Variants in AFDN observed in about 807,000 individuals in gnomAD.
The protein encoded by AFDN is afadin, adherens junction formation factor.
In AFDN, 68 loss-of-function variants were observed where a neutral mutation model predicts 216.6. The observed-to-expected ratio is 0.31, with a 90% CI of 0.26 to 0.38. The LOEUF (loss-of-function observed/expected upper bound fraction) is 0.38. Ranked by LOEUF, AFDN falls within the 10% of genes least tolerant of loss-of-function variation. The probability of loss-of-function intolerance (pLI) is 1.00; values close to 1 mark genes in which losing one functional copy is unlikely to be tolerated. For synonymous variants in AFDN, 868 were observed against 853.7 expected, an observed-to-expected ratio of 1.02 and a Z score of -0.29; for missense variants, 2,136 against 2,342.0, an observed-to-expected ratio of 0.91 and a Z score of 1.82.
intron 26 of AFDN, among the ~76,000 whole-genome samples, chr6:167,945,325 A>G (rs998968877): frequency 6.6e-6 from 1 of 152,172 alleles, no homozygotes; most frequent in Admixed American, 6.5e-5. Flanking sequence ...CATGCCATGG[A>G]GCCATCACCT....
intron 2 of AFDN, among the ~76,000 whole-genome samples, chr6:167,867,673 C>T (rs1240471589): frequency 6.6e-6 from 1 of 152,104 alleles, no homozygotes; most frequent in Non-Finnish European, 1.5e-5. Flanking sequence ...CCTTGTGATC[C>T]ACCTGCCTCG....
chr6:167,863,931 A>G, intron 1 of AFDN: 3 of 369,066 alleles, frequency 8.1e-6, no homozygotes, highest in South Asian at 6.5e-5. Flanking sequence ...TAATGGCAAA[A>G]CCCACAATTT....
rs1333544169 is a variant in AFDN, at chr6:167,951,850, G to A, written c.4496G>A (p.Arg1499His). The change falls in exon 30 of 34, where the codon CGC (arginine) becomes CAC (histidine). Residue 1499 changes from arginine (R) to histidine (H), a missense_variant. Around this residue, in one of 8 missense-constraint regions of AFDN, gnomAD observed 981 missense variants for 966.0 expected, o/e 1.02. Transcript: ENST00000683244. This position sits in a 1 kb window ranked among gnomAD's most constrained non-coding sequence, Gnocchi z 7.1. The stretch of plus-strand genomic sequence containing the variant: ...CAGCAGCAGCCCCGCACGATCGAGC[G>A]CAGAGACTTGCAGTACATTACAGTC... ...QPQQQPRTIERRDLQYITVSK... is the reference protein window; with the variant it reads ...QPQQQPRTIEHRDLQYITVSK... 1.9e-6 allele frequency: 3 copies of A among 1,614,138 alleles called. No individual in the cohort carries two copies. Among genetic ancestry groups the A allele is most frequent in the Non-Finnish European group, 8.5e-7 (1 of 1,180,014 alleles).
chr6:167,844,081 C>T (rs144783130), intron 1 of AFDN, among the ~76,000 whole-genome samples: 1,876 of 152,100 alleles, frequency 0.012, 45 homozygotes, highest in African/African-American at 0.043. Flanking sequence ...GAAGGTCTCC[C>T]TTTCTCCTCT....
chr6:167,932,910 ACT>A lies in AFDN; in HGVS notation c.3099+7822_3099+7823del, dbSNP rs552394144. 1.3e-3 allele frequency: 202 copies of A among 152,118 alleles called. 1 individual carries two copies. Among genetic ancestry groups the A allele is most frequent in the African/African-American group, 4.6e-3 (191 of 41,506 alleles). 9.4% of individuals were successfully genotyped at this position (152,118 alleles called of 1,614,324 possible). On this transcript the variant is annotated intron_variant, in intron 23 of 33. Coordinates refer to ENST00000683244, the MANE Select transcript of AFDN (RefSeq NM_001386888.1). ...CGTTTAATGTAGCTTGTAATTACAC[ACT>A]CTTTTTTTGTTTTTGCTACTTTTGT...
chr6:167,948,009 T>C, intron 28 of AFDN, 65 bp downstream of exon 28: 1 of 1,175,740 alleles, frequency 8.5e-7, no homozygotes, highest in Non-Finnish European at 1.3e-6. Context: ...CCTTTGGACA[T>C]CTCAGTTATC....
chr6:167,860,830 C>T (rs1178814297), intron 1 of AFDN, among the ~76,000 whole-genome samples: 1 of 152,198 alleles, frequency 6.6e-6, no homozygotes, highest in Non-Finnish European at 1.5e-5. Flanking sequence ...AATGCCAGGC[C>T]TGTCTAGGTA....
intron 1 of AFDN, among the ~76,000 whole-genome samples, chr6:167,837,672 A>G (rs1031261092): frequency 6.6e-6 from 1 of 152,060 alleles, no homozygotes; most frequent in African/African-American, 2.4e-5. Flanking sequence ...TGCTGTTCCC[A>G]TTTCTGGATG....
At position 167,872,286 on chromosome 6, in the gene AFDN, A is replaced by G; in HGVS notation, c.487A>G (p.Lys163Glu). Reference sequence around the variant, plus strand: ...CCAGAACTTCAAGAGAACTCTCTCAAAGAAAGAAAAGAAGGAAAAAAAGAA... The same window carrying G: ...CCAGAACTTCAAGAGAACTCTCTCAGAGAAAGAAAAGAAGGAAAAAAAGAA... ...VIQNFKRTLS[K>E]KEKKEKKKRE... Residue 163 changes from lysine (K) to glutamate (E), a missense_variant, in exon 4 of 34, where the codon AAG becomes GAG. Lys to Glu is a moderately conservative substitution (Grantham distance 56). Coordinates refer to ENST00000683244, the MANE Select transcript of AFDN (RefSeq NM_001386888.1). 6.2e-7 allele frequency: 1 copy of G among 1,614,072 alleles called. No homozygotes were observed. Among genetic ancestry groups the G allele is most frequent in the Non-Finnish European group, 8.5e-7 (1 of 1,179,980 alleles).
At chr6:167,829,333 T>G (rs1224923280) in intron 1 of AFDN, among the ~76,000 whole-genome samples, 1 of 152,202 alleles carries the variant, frequency 6.6e-6, no homozygotes, top group Non-Finnish European at 1.5e-5. Flanking sequence ...AGCTTTGCAT[T>G]TAACATATTG....
At chr6:167,963,776 TG>T (rs1391161679) in intron 31 of AFDN, 2 of 1,062,334 alleles carry the variant, frequency 1.9e-6, no homozygotes, top group Non-Finnish European at 2.3e-6. Flanking sequence ...ACTTGTGTAA[TG>T]GTAAGTCAAC....
chr6:167,910,147 A>G (rs1475358535), intron 13 of AFDN, among the ~76,000 whole-genome samples: 2 of 152,242 alleles, frequency 1.3e-5, no homozygotes, highest in Non-Finnish European at 2.9e-5. Context: ...ATTATCTTAC[A>G]CATTTAAAGA....
chr6:167,861,231 A>T (rs539295495), intron 1 of AFDN, among the ~76,000 whole-genome samples: 76 of 152,368 alleles, frequency 5.0e-4, no homozygotes, highest in African/African-American at 1.7e-3. Context: ...ATTGAGCAGA[A>T]TGTTAATCTG....
At chr6:167,917,696 A>G (rs1020213829) in intron 20 of AFDN, among the ~76,000 whole-genome samples, 1 of 152,232 alleles carries the variant, frequency 6.6e-6, no homozygotes, top group African/African-American at 2.4e-5. Flanking sequence ...GCTATTTATA[A>G]AGAGAAATAC....
intron 1 of AFDN, among the ~76,000 whole-genome samples, chr6:167,829,650 G>GAGAGTAT (rs1779612255): frequency 6.6e-6 from 1 of 151,972 alleles, no homozygotes; most frequent in Non-Finnish European, 1.5e-5. Context: ...TTATGTGTAT[G>GAGAGTAT]AGAGTATAGT....
Position 167,907,167 on chromosome 6 carries a change from G to A in AFDN, c.1651-4G>A, listed in dbSNP as rs776202348. 3.7e-6 allele frequency: 6 copies of A among 1,612,030 alleles called. No individual in the cohort carries two copies. The highest frequency in any genetic ancestry group is 1.6e-4 in the Middle Eastern group (1 of 6,076). On this transcript the variant is annotated splice_region_variant and splice_polypyrimidine_tract_variant and intron_variant, in intron 12 of 33. Coordinates refer to ENST00000683244, the MANE Select transcript of AFDN (RefSeq NM_001386888.1). ...TAAACCCGTTGTGCTTTCTCTCCAT[G>A]TAGAGCACCACTAGGCTGGACAGCG...
intron 13 of AFDN, among the ~76,000 whole-genome samples, chr6:167,910,599 G>A (rs1259401617): frequency 6.6e-6 from 1 of 152,188 alleles, no homozygotes; most frequent in Non-Finnish European, 1.5e-5. Flanking sequence ...GGAAAATGAT[G>A]ATAGTAATGG....
intron 2 of AFDN, among the ~76,000 whole-genome samples, chr6:167,867,449 A>C (rs1467343342): frequency 8.1e-6 from 1 of 123,276 alleles, no homozygotes; most frequent in Non-Finnish European, 1.6e-5. Context: ...TTTTTTTTTG[A>C]GACAGAGTCT....
chr6:167,841,315 C>G (rs1357056791), intron 1 of AFDN, among the ~76,000 whole-genome samples: 1 of 152,084 alleles, frequency 6.6e-6, no homozygotes, highest in Non-Finnish European at 1.5e-5. Flanking sequence ...CCAGGGGATT[C>G]AGGGTGATTG....
Sources: gnomAD v4.1 joint callset for allele counts (sites outside exome capture counted in the v4.1 genomes callset) on GRCh38, gnomAD v4.1.1 for gene constraint, gnomAD v4.1.1 regional missense constraint, Gnocchi (gnomAD v3.1) non-coding constraint, MANE v1.5 for transcripts, NCBI Gene and HGNC (gene_info 2026-07-23, HGNC 2026-07-21) for gene names.